Variants in PPP3CB observed in about 807,000 individuals in gnomAD.
PPP3CB encodes serine/threonine-protein phosphatase 2B catalytic subunit beta isoform.
Under a neutral mutation model 66.4 loss-of-function variants are expected in PPP3CB, and 8 were observed. That is an observed-to-expected ratio of 0.12 (90% confidence interval 0.07 to 0.22). The LOEUF (loss-of-function observed/expected upper bound fraction) is 0.22. Ranked by LOEUF, PPP3CB falls within the 10% of genes least tolerant of loss-of-function variation. The pLI is 1.00. For synonymous variants in PPP3CB, 208 were observed against 221.2 expected (o/e 0.94, Z 0.53); for missense variants, 319 against 642.5 (o/e 0.50, Z 5.44).
chr10:73,476,052 G>T (rs1188465275), intron 3 of PPP3CB, among the ~76,000 whole-genome samples: 1 of 150,778 alleles, frequency 6.6e-6, no homozygotes, highest in African/African-American at 2.4e-5. Flanking sequence ...GTGGAGACAG[G>T]GTTTCACCAT....
At chr10:73,486,568 G>A (rs903344868) in intron 1 of PPP3CB, among the ~76,000 whole-genome samples, 2 of 152,056 alleles carry the variant, frequency 1.3e-5, no homozygotes, top group African/African-American at 4.8e-5. Flanking sequence ...GCCTCCCAAA[G>A]TGCTGGGATT....
At chr10:73,460,525 G>C (rs1357000444) in intron 9 of PPP3CB, among the ~76,000 whole-genome samples, 1 of 152,108 alleles carries the variant, frequency 6.6e-6, no homozygotes, top group African/African-American at 2.4e-5. Flanking sequence ...CAAGATAAGG[G>C]TACTGTATAA....
At chr10:73,485,021 C>T (rs1007913891) in intron 1 of PPP3CB, among the ~76,000 whole-genome samples, 2 of 152,082 alleles carry the variant, frequency 1.3e-5, no homozygotes, top group African/African-American at 4.8e-5. Flanking sequence ...CCACTGCACT[C>T]CAGCCTGGGT....
chr10:73,443,335 AAAGAG>A (rs1387733562), intron 12 of PPP3CB, among the ~76,000 whole-genome samples: 2 of 151,248 alleles, frequency 1.3e-5, no homozygotes, highest in African/African-American at 4.9e-5. Flanking sequence ...AAAGAAAAAG[AAAGAG>A]AAGAGAAGAG....
chr10:73,469,503 C>G (rs2132919285), intron 8 of PPP3CB, among the ~76,000 whole-genome samples: 1 of 152,300 alleles, frequency 6.6e-6, no homozygotes, highest in Middle Eastern at 3.4e-3. Flanking sequence ...GACTGCACCA[C>G]TGCATTCCAG....
At chr10:73,439,043 T>C (rs972570929) in intron 13 of PPP3CB, among the ~76,000 whole-genome samples, 1 of 152,256 alleles carries the variant, frequency 6.6e-6, no homozygotes, top group Admixed American at 6.5e-5. Context: ...TCTCGTAATT[T>C]AGAAGATGTT....
At chr10:73,495,379 A>G (rs2057175958) in intron 1 of PPP3CB, 1 of 154,774 alleles carries the variant, frequency 6.5e-6, no homozygotes, top group Non-Finnish European at 1.4e-5. Flanking sequence ...GCCAAAGCCG[A>G]GGTGATTTCT....
At chr10:73,481,241 G>A (rs1394667150) in intron 1 of PPP3CB, among the ~76,000 whole-genome samples, 1 of 150,598 alleles carries the variant, frequency 6.6e-6, no homozygotes, top group African/African-American at 2.5e-5. Flanking sequence ...GGAGGCCAAG[G>A]CCAGTGGATC....
chr10:73,493,656 A>G (rs186634993), intron 1 of PPP3CB, among the ~76,000 whole-genome samples: 9 of 152,362 alleles, frequency 5.9e-5, no homozygotes, highest in Admixed American at 1.3e-4. Context: ...TAATCCATAC[A>G]GGAATTCCAA....
chr10:73,468,743 A>G (rs1047434860), intron 8 of PPP3CB, among the ~76,000 whole-genome samples: 3 of 152,202 alleles, frequency 2.0e-5, no homozygotes, highest in African/African-American at 7.2e-5. Flanking sequence ...CTAACTTAAT[A>G]AGTATATGTT....
chr10:73,480,485 C>T (rs1266569152), intron 1 of PPP3CB, among the ~76,000 whole-genome samples: 1 of 147,074 alleles, frequency 6.8e-6, no homozygotes, highest in Non-Finnish European at 1.5e-5. Context: ...TGTTCTGTCG[C>T]CCAGGCTGGA....
chr10:73,463,313 C>T (rs529283315), intron 9 of PPP3CB, among the ~76,000 whole-genome samples: 1 of 152,314 alleles, frequency 6.6e-6, no homozygotes, highest in African/African-American at 2.4e-5. Flanking sequence ...CAGTCTACTT[C>T]ACCACAGTAA....
At chr10:73,451,530 T>G (rs1355246808) in intron 10 of PPP3CB, among the ~76,000 whole-genome samples, 1 of 151,978 alleles carries the variant, frequency 6.6e-6, no homozygotes, top group African/African-American at 2.4e-5. Context: ...GCAAGAGTTC[T>G]TGGTCTTAGT....
intron 13 of PPP3CB, among the ~76,000 whole-genome samples, chr10:73,439,161 G>A (rs1486229299): frequency 2.6e-5 from 4 of 152,112 alleles, no homozygotes; most frequent in Admixed American, 6.6e-5. Context: ...CTAGAATGAT[G>A]CATCCTCCAT....
chr10:73,478,668 C>G, intron 2 of PPP3CB, 45 bp from the exon 3 acceptor site: 1 of 1,562,734 alleles, frequency 6.4e-7, no homozygotes. Flanking sequence ...ATCTCTAAAA[C>G]AACAAATTTT....
intron 1 of PPP3CB, among the ~76,000 whole-genome samples, chr10:73,495,357 G>A (rs898555541): frequency 1.3e-5 from 2 of 152,246 alleles, no homozygotes; most frequent in Non-Finnish European, 1.5e-5. Context: ...TGTCACCGGG[G>A]AGCAGGCGTG....
At chr10:73,444,655 G>C in intron 12 of PPP3CB, 70 bp downstream of exon 12, 3 of 1,602,628 alleles carry the variant, frequency 1.9e-6, no homozygotes, top group Non-Finnish European at 2.6e-6. Flanking sequence ...TGCATTATGT[G>C]AATTGTTAGC....
At chr10:73,463,674 A>AC (rs1436348704) in intron 9 of PPP3CB, among the ~76,000 whole-genome samples, 1 of 152,030 alleles carries the variant, frequency 6.6e-6, no homozygotes, top group Admixed American at 6.6e-5. Context: ...ACGGAGTCTC[A>AC]CTCTGTCACC....
At chr10:73,494,765 A>T (rs1013073434) in intron 1 of PPP3CB, among the ~76,000 whole-genome samples, 64 of 152,222 alleles carry the variant, frequency 4.2e-4, no homozygotes, top group Non-Finnish European at 8.8e-5. Context: ...TGTATTTGAG[A>T]AGCTGAATGA....
Sources: gnomAD v4.1 joint callset for allele counts (sites outside exome capture counted in the v4.1 genomes callset) on GRCh38, gnomAD v4.1.1 for gene constraint, MANE v1.5 for transcripts, NCBI Gene and HGNC (gene_info 2026-07-23, HGNC 2026-07-21) for gene names.